The following NRXN1 variants were observed in gnomAD, a reference collection of about 807,000 sequenced individuals.
NRXN1 encodes neurexin-1.
A neutral mutation model predicts 150.9 loss-of-function variants in NRXN1; 39 were observed. The ratio of observed to expected loss-of-function variants is 0.26; its 90% confidence interval spans 0.20 to 0.34. NRXN1 has a LOEUF of 0.34. NRXN1 is among the 10% of genes least tolerant of loss of function. The pLI, the probability that NRXN1 is intolerant of heterozygous loss-of-function variation, is 1.00. For synonymous variants in NRXN1, 924 were observed against 757.0 expected, an observed-to-expected ratio of 1.22 and a Z score of -3.62; for missense variants, 1,815 against 1,949.9, an observed-to-expected ratio of 0.93 and a Z score of 1.30.
rs1362425999 is a variant in NRXN1, at chr2:50,768,488, G to A, written c.833-144873C>T. ...GATGATTTTTTTTTTTTTAATTTTA[G>A]TAGAGATGAGGTCTCACTATGTTGC... On this transcript the variant is annotated intron_variant, in intron 5 of 22. Coordinates refer to ENST00000401669, the MANE Select transcript of NRXN1 (RefSeq NM_001330078.2). Among the ~76,000 whole-genome samples the A allele has an allele frequency of 2.0e-5, 3 of 150,776 alleles. 1 individual carries two copies. Among genetic ancestry groups the A allele is most frequent in the Non-Finnish European group, 4.4e-5 (3 of 67,750 alleles).
intron 12 of NRXN1, among the ~76,000 whole-genome samples, chr2:50,523,437 C>G (rs746216136): frequency 2.0e-5 from 3 of 152,100 alleles, no homozygotes; most frequent in African/African-American, 7.2e-5. Context: ...CATCAAGCAG[C>G]GACTCTAAAC....
intron 17 of NRXN1, among the ~76,000 whole-genome samples, chr2:50,339,218 T>C (rs944667438): frequency 6.6e-6 from 1 of 152,200 alleles, no homozygotes; most frequent in Non-Finnish European, 1.5e-5. Flanking sequence ...TCTGTTAATT[T>C]TTTTTCTTTC....
At chr2:50,029,131 A>G (rs982784412) in intron 21 of NRXN1, among the ~76,000 whole-genome samples, 1 of 152,198 alleles carries the variant, frequency 6.6e-6, no homozygotes, top group Non-Finnish European at 1.5e-5. Flanking sequence ...TAAGAGGCTG[A>G]ACAAACCAGA....
chr2:50,300,591 T>A (rs939428), intron 17 of NRXN1, among the ~76,000 whole-genome samples: 28,997 of 152,188 alleles, frequency 0.19, 2,990 homozygotes, highest in East Asian at 0.39. Flanking sequence ...AGTGTGACCA[T>A]GTGACTAACT....
intron 5 of NRXN1, among the ~76,000 whole-genome samples, chr2:50,809,500 T>C (rs1246969706): frequency 6.6e-6 from 1 of 152,086 alleles, no homozygotes; most frequent in Non-Finnish European, 1.5e-5. Flanking sequence ...TCAAATGCTT[T>C]TGTCTTTAAT....
intron 15 of NRXN1, among the ~76,000 whole-genome samples, chr2:50,492,907 A>T (rs1463327260): frequency 7.7e-6 from 1 of 129,396 alleles, no homozygotes; most frequent in Non-Finnish European, 1.6e-5. Context: ...CTATCAGTCA[A>T]TGCACTTTAA....
chr2:51,016,608 A>C (rs1167498153), intron 2 of NRXN1, among the ~76,000 whole-genome samples: 2 of 152,096 alleles, frequency 1.3e-5, no homozygotes, highest in African/African-American at 4.8e-5. Context: ...GAAACAACAG[A>C]TGCTGGAGAG....
At chr2:49,958,785 T>G (rs1351128031) in intron 21 of NRXN1, among the ~76,000 whole-genome samples, 1 of 152,214 alleles carries the variant, frequency 6.6e-6, no homozygotes, top group Non-Finnish European at 1.5e-5. Flanking sequence ...CTTTTTAGTC[T>G]ATGAAAGCTC....
intron 2 of NRXN1, among the ~76,000 whole-genome samples, chr2:50,952,000 T>G (rs1691446373): frequency 1.5e-5 from 2 of 133,338 alleles, no homozygotes; most frequent in Non-Finnish European, 3.1e-5. Flanking sequence ...GGAGTCTCGC[T>G]CTGTCGCCCA....
At chr2:50,747,542 C>G (rs1700155858) in intron 5 of NRXN1, among the ~76,000 whole-genome samples, 1 of 152,014 alleles carries the variant, frequency 6.6e-6, no homozygotes, top group South Asian at 2.1e-4. Flanking sequence ...TCACCCCAAG[C>G]CAATCCAGAG....
chr2:50,592,819 G>GA (rs987385022), intron 8 of NRXN1, among the ~76,000 whole-genome samples: 9 of 152,240 alleles, frequency 5.9e-5, no homozygotes, highest in Non-Finnish European at 1.2e-4. Flanking sequence ...AAAGCCTAGA[G>GA]AAAAAAATTT....
chr2:50,598,861 G>A (rs1393716971), intron 8 of NRXN1, among the ~76,000 whole-genome samples: 2 of 151,606 alleles, frequency 1.3e-5, no homozygotes, highest in African/African-American at 4.8e-5. Context: ...AGGTTCAAGT[G>A]ATTCTCCTGC....
rs143461150 is a variant in NRXN1 at position 50,930,465 on chromosome 2, T to A, written c.773-4510A>T. On this transcript the variant is annotated intron_variant, in intron 2 of 22. Transcript: ENST00000401669. ...GATTTATAGTGATTAAGCTATTTGA[T>A]GAACCTGATGAAATTTAATAACTGT... Among the ~76,000 whole-genome samples the A allele has an allele frequency of 5.1e-3, 779 of 152,260 alleles. 8 individuals carry two copies. Among genetic ancestry groups the A allele is most frequent in the African/African-American group, 0.018 (741 of 41,564 alleles).
intron 5 of NRXN1, among the ~76,000 whole-genome samples, chr2:50,660,348 C>T (rs1687110913): frequency 6.6e-6 from 1 of 151,954 alleles, no homozygotes; most frequent in Non-Finnish European, 1.5e-5. Flanking sequence ...TAACAACACC[C>T]TAAGTTGCCT....
In NRXN1 at chr2:51,024,898, C is replaced by A. The variant is rs948170241; in HGVS notation, c.772+2604G>T. Among the ~76,000 whole-genome samples the A allele has an allele frequency of 8.6e-5, 13 of 151,968 alleles. 1 individual carries two copies. Among genetic ancestry groups the A allele is most frequent in the Non-Finnish European group, 1.5e-5 (1 of 67,986 alleles). On this transcript the variant is annotated intron_variant, in intron 2 of 22. Coordinates refer to ENST00000401669, the MANE Select transcript of NRXN1 (RefSeq NM_001330078.2). ...AAATTAGTTTTTATGAAGAACATGG[C>A]AGACAATGTACATACTGGCTACAGG...
intron 5 of NRXN1, among the ~76,000 whole-genome samples, chr2:50,792,626 T>A (rs796611222): frequency 6.6e-6 from 1 of 151,946 alleles, no homozygotes; most frequent in South Asian, 2.1e-4. Flanking sequence ...TCCTGAAATA[T>A]TACCAATGAG....
At chr2:50,492,714 TCTC>T (rs1326270899) in intron 15 of NRXN1, among the ~76,000 whole-genome samples, 4 of 151,946 alleles carry the variant, frequency 2.6e-5, no homozygotes, top group East Asian at 1.9e-4. Flanking sequence ...TAAAAAAAAT[TCTC>T]CTAATAATCC....
intron 5 of NRXN1, among the ~76,000 whole-genome samples, chr2:50,743,827 A>C (rs1459223233): frequency 6.6e-6 from 1 of 152,174 alleles, no homozygotes; most frequent in African/African-American, 2.4e-5. Context: ...TATTCAATAA[A>C]GAAAGAATTT....
rs190816084 is a variant in NRXN1, at chr2:50,186,725, T to C, written c.3546+50064A>G. 2.4e-3 allele frequency among the ~76,000 whole-genome samples: 359 copies of C among 152,166 alleles called. 2 individuals carry two copies. Among genetic ancestry groups the C allele is most frequent in the Non-Finnish European group, 3.0e-3 (202 of 67,968 alleles). The stretch of plus-strand genomic sequence containing the variant: ...ATAGAATGCTTCTTCTGAACTTTCA[T>C]TTAACCAGCGGAATTTGTGAGGGTA... On this transcript the variant is annotated intron_variant, in intron 18 of 22. Transcript: ENST00000401669.
Sources: allele counts gnomAD v4.1 joint callset (sites outside exome capture counted in the v4.1 genomes callset), GRCh38; gene constraint gnomAD v4.1.1; transcripts MANE v1.5; gene names NCBI Gene and HGNC (gene_info 2026-07-23, HGNC 2026-07-21).